ST7: variants seen among roughly 807,000 people sequenced by gnomAD.
The protein encoded by ST7 is suppression of tumorigenicity 7.
ST7 carries 28 observed loss-of-function variants against 78.7 expected under a neutral mutation model. The observed-to-expected ratio is 0.36, with a 90% CI of 0.26 to 0.49. The LOEUF is 0.49. Among genes scored for constraint, ST7 ranks in the 20% least tolerant of loss-of-function variants. ST7 has a pLI of 0.99. For missense variants in ST7, 418 were observed against 696.0 expected (o/e 0.60, Z 4.49); for synonymous variants, 247 against 249.6 (o/e 0.99, Z 0.10).
At chr7:117,022,955 T>C (rs1795999477) in intron 1 of ST7, 2 of 152,216 alleles carry the variant, frequency 1.3e-5, no homozygotes, top group South Asian at 2.1e-4. Flanking sequence ...GGAAGTTCTC[T>C]TGTGGCCTTT....
chr7:117,046,362 C>T (rs1036068279), intron 1 of ST7, among the ~76,000 whole-genome samples: 1 of 152,148 alleles, frequency 6.6e-6, no homozygotes, highest in Non-Finnish European at 1.5e-5. Flanking sequence ...CCTAAAAGAC[C>T]ATATGCTTGC....
chr7:116,993,466 G>A lies in ST7; in HGVS notation c.151+39775G>A, dbSNP rs79949175. ...ACAGTATGGGGAAAACGGCCCCCAT[G>A]ATTCAAATTACCTCCCACCGGCTCC... On this transcript the variant is annotated intron_variant, in intron 1 of 15. Coordinates refer to ENST00000323984, the MANE Select transcript of ST7 (RefSeq NM_001369598.1). Among the ~76,000 whole-genome samples the A allele has an allele frequency of 5.4e-3, 825 of 152,278 alleles. 3 individuals are homozygous for A. Among genetic ancestry groups the A allele is most frequent in the Middle Eastern group, 0.014 (4 of 294 alleles).
intron 1 of ST7, among the ~76,000 whole-genome samples, chr7:117,021,225 C>G (rs1220710468): frequency 6.6e-6 from 1 of 151,720 alleles, no homozygotes; most frequent in Non-Finnish European, 1.5e-5. Context: ...AAAACTTATA[C>G]AATGAAATTG....
intron 10 of ST7, among the ~76,000 whole-genome samples, chr7:117,186,011 T>G (rs1025740586): frequency 2.0e-5 from 3 of 152,210 alleles, no homozygotes; most frequent in Non-Finnish European, 4.4e-5. Flanking sequence ...TAACAATATG[T>G]CATAAAGTTA....
At chr7:117,164,090 C>A (rs549287849) in intron 9 of ST7, among the ~76,000 whole-genome samples, 174 of 152,246 alleles carry the variant, frequency 1.1e-3, no homozygotes, top group Non-Finnish European at 1.7e-3. Flanking sequence ...AAGCTGGAGG[C>A]ATCATACTAT....
intron 15 of ST7, among the ~76,000 whole-genome samples, chr7:117,228,480 G>C (rs911035599): frequency 6.6e-6 from 1 of 152,108 alleles, no homozygotes; most frequent in African/African-American, 2.4e-5. Context: ...CAAATTTTAC[G>C]CTGTCTTGAT....
chr7:117,181,609 T>G (rs1808776134), intron 10 of ST7, among the ~76,000 whole-genome samples: 1 of 152,232 alleles, frequency 6.6e-6, no homozygotes, highest in Non-Finnish European at 1.5e-5. Flanking sequence ...GTATAATTAT[T>G]CATTCCTATT....
chr7:117,058,895 A>G (rs1349790063), intron 1 of ST7, among the ~76,000 whole-genome samples: 4 of 152,224 alleles, frequency 2.6e-5, no homozygotes, highest in Admixed American at 2.0e-4. Flanking sequence ...ATTTGCAACA[A>G]CATGGATGGA....
intron 1 of ST7, among the ~76,000 whole-genome samples, chr7:117,085,146 A>G (rs1314800364): frequency 1.3e-5 from 2 of 152,228 alleles, no homozygotes; most frequent in Non-Finnish European, 2.9e-5. Flanking sequence ...GACAGAAGAG[A>G]AAAAGGTTGT....
chr7:117,205,380 C>T (rs966517284), intron 12 of ST7, among the ~76,000 whole-genome samples: 3 of 151,770 alleles, frequency 2.0e-5, no homozygotes, highest in African/African-American at 7.3e-5. Flanking sequence ...ATTAATGTAC[C>T]TGTTTTTTTT....
chr7:117,073,169 A>G (rs1052154413), intron 1 of ST7: 3 of 152,244 alleles, frequency 2.0e-5, no homozygotes, highest in African/African-American at 7.2e-5. Context: ...AAAATCAGTA[A>G]TAACAACTGA....
intron 1 of ST7, chr7:116,972,079 T>C: frequency 1.9e-6 from 1 of 514,086 alleles, no homozygotes; most frequent in South Asian, 1.6e-5. Context: ...AGATCAGTCC[T>C]CAGTTAAAGG....
chr7:117,076,488 ACTCAGCCTGCTGCT>A (rs1305321854), intron 1 of ST7: 1 of 152,218 alleles, frequency 6.6e-6, no homozygotes, highest in East Asian at 1.9e-4. Flanking sequence ...TGCCTTGTTT[ACTCAGCCTGCTGCT>A]CTCAACTCCT....
At chr7:117,096,067 CAAAAAAAAAAAAAAAAAAAA>C (rs35970973) in intron 1 of ST7, among the ~76,000 whole-genome samples, 3 of 35,708 alleles carry the variant, frequency 8.4e-5, no homozygotes, top group South Asian at 3.3e-3. Context: ...GATTCTGCCT[CAAAAAAAAAAAAAAAAAAAA>C]AAAAAAAAAA....
At chr7:116,976,081 T>G (rs1793691025) in intron 1 of ST7, among the ~76,000 whole-genome samples, 1 of 151,900 alleles carries the variant, frequency 6.6e-6, no homozygotes, top group South Asian at 2.1e-4. Flanking sequence ...GCCAACATGG[T>G]GAAACCCCTT....
At chr7:117,164,674 T>C (rs1416081919) in intron 9 of ST7, among the ~76,000 whole-genome samples, 5 of 152,246 alleles carry the variant, frequency 3.3e-5, no homozygotes, top group Admixed American at 2.6e-4. Context: ...ACAAAGATGA[T>C]ACAATAGCAT....
intron 1 of ST7, among the ~76,000 whole-genome samples, chr7:117,046,845 T>TA (rs937385412): frequency 6.6e-6 from 1 of 152,174 alleles, no homozygotes; most frequent in African/African-American, 2.4e-5. Flanking sequence ...AAGTAGTTAT[T>TA]AAGTACATGG....
At chr7:117,060,139 C>T (rs1712665480) in intron 1 of ST7, among the ~76,000 whole-genome samples, 1 of 152,118 alleles carries the variant, frequency 6.6e-6, no homozygotes, top group African/African-American at 2.4e-5. Context: ...AACCAGTTGA[C>T]ACAAGTGCAG....
chr7:117,022,162 G>A (rs1380271833), intron 1 of ST7, among the ~76,000 whole-genome samples: 1 of 152,128 alleles, frequency 6.6e-6, no homozygotes, highest in Non-Finnish European at 1.5e-5. Flanking sequence ...TCACCTATGC[G>A]CTGTATGGTA....
Sources: allele counts gnomAD v4.1 joint callset (sites outside exome capture counted in the v4.1 genomes callset), GRCh38; gene constraint gnomAD v4.1.1; transcripts MANE v1.5; gene names NCBI Gene and HGNC (gene_info 2026-07-23, HGNC 2026-07-21).